Variants in USP53 observed in about 807,000 individuals in gnomAD.
USP53 encodes the protein ubiquitin carboxyl-terminal hydrolase 53.
USP53 carries 71 observed loss-of-function variants against 94.9 expected under a neutral mutation model. The observed-to-expected ratio is 0.75, with a 90% confidence interval of 0.62 to 0.91. The LOEUF is 0.91. Ranked by LOEUF, USP53 falls within the 40% of genes least tolerant of loss-of-function variation. The pLI, the probability that USP53 is intolerant of heterozygous loss-of-function variation, is 0.00. For missense variants in USP53, 1,173 were observed against 1,281.0 expected (o/e 0.92, Z 1.29); for synonymous variants, 375 against 422.7 (o/e 0.89, Z 1.39).
rs571318180 is a variant in USP53 at position 119,294,173 on chromosome 4, T to C, written c.*962T>C. On this transcript the variant is annotated 3_prime_UTR_variant, in exon 19 of 19. Transcript: ENST00000692078. ...GGAATTAATGTAGGGCACCCTCTTATTGGGAATGTCACTGTAATTGCCTAC... is the reference window on the plus strand; with the variant it reads ...GGAATTAATGTAGGGCACCCTCTTACTGGGAATGTCACTGTAATTGCCTAC... 42 of 152,234 alleles carry C rather than the reference T, an allele frequency of 2.8e-4. No individual in the cohort carries two copies. Among genetic ancestry groups the C allele is most frequent in the African/African-American group, 9.9e-4 (41 of 41,572 alleles). 9.4% of individuals were successfully genotyped at this position (152,234 alleles called of 1,614,324 possible).
At chr4:119,233,877 T>C (rs1746383322) in intron 3 of USP53, among the ~76,000 whole-genome samples, 1 of 152,182 alleles carries the variant, frequency 6.6e-6, no homozygotes, top group Non-Finnish European at 1.5e-5. Context: ...CTTTAACATG[T>C]GTCTTTGTGT....
intron 17 of USP53, among the ~76,000 whole-genome samples, chr4:119,285,568 A>G (rs1561348961): frequency 6.6e-6 from 1 of 151,852 alleles, no homozygotes; most frequent in Non-Finnish European, 1.5e-5. Context: ...TTCTTGTACA[A>G]ATAGTCTGTA....
Position 119,260,504 on chromosome 4 carries a change from TAG to T in USP53, c.676_677del. ...ATTTTAAAACTTTTATGTTTTTCTG[TAG>T]AGTAACTGTGGCCAAAAAATAAAAA... On this transcript the variant is annotated splice_acceptor_variant, in intron 10 of 18. Coordinates refer to ENST00000692078, the MANE Select transcript of USP53 (RefSeq NM_001371395.1). LOFTEE classifies it high-confidence loss of function. 1 of 1,613,020 alleles carries T rather than the reference TAG, an allele frequency of 6.2e-7. No individual in the cohort carries two copies. Among genetic ancestry groups the T allele is most frequent in the Non-Finnish European group, 8.5e-7 (1 of 1,179,364 alleles).
intron 17 of USP53, among the ~76,000 whole-genome samples, chr4:119,289,744 A>AG (rs1317415028): frequency 6.6e-6 from 1 of 152,212 alleles, no homozygotes; most frequent in Non-Finnish European, 1.5e-5. Flanking sequence ...GCCTTAGTAA[A>AG]GGAAAAAGCT....
intron 17 of USP53, among the ~76,000 whole-genome samples, chr4:119,279,772 C>T (rs1243635090): frequency 2.0e-5 from 3 of 152,228 alleles, no homozygotes; most frequent in African/African-American, 7.2e-5. Context: ...GCGTAGGACC[C>T]TCTGAGCCAG....
At chr4:119,249,716 G>T (rs1748712757) in intron 7 of USP53, among the ~76,000 whole-genome samples, 1 of 147,532 alleles carries the variant, frequency 6.8e-6, no homozygotes. Context: ...CCAGGCTGGG[G>T]TGCAGTGGTG....
intron 7 of USP53, among the ~76,000 whole-genome samples, chr4:119,254,981 C>T (rs1205229167): frequency 6.6e-6 from 1 of 152,224 alleles, no homozygotes; most frequent in Non-Finnish European, 1.5e-5. Flanking sequence ...AGACAGGCCC[C>T]TCAGCTGCAG....
chr4:119,214,522 TAA>T (rs991320107), intron 2 of USP53, among the ~76,000 whole-genome samples: 1 of 152,078 alleles, frequency 6.6e-6, no homozygotes, highest in African/African-American at 2.4e-5. Flanking sequence ...ATCAATTCGT[TAA>T]TATTTTCACT....
chr4:119,267,960 G>A (rs537050472), intron 13 of USP53, among the ~76,000 whole-genome samples: 2 of 152,180 alleles, frequency 1.3e-5, no homozygotes, highest in East Asian at 3.9e-4. Context: ...GAGGTCAGGA[G>A]ATCGAGACCA....
chr4:119,258,613 A>G (rs892365867), intron 9 of USP53, among the ~76,000 whole-genome samples: 3 of 152,238 alleles, frequency 2.0e-5, no homozygotes, highest in African/African-American at 7.2e-5. Flanking sequence ...AGTAGGCCTC[A>G]CAGTCATGGC....
intron 17 of USP53, among the ~76,000 whole-genome samples, chr4:119,279,522 C>T (rs372672838): frequency 1.1e-4 from 16 of 142,072 alleles, no homozygotes; most frequent in Middle Eastern, 7.0e-3. Flanking sequence ...GACAGGGACA[C>T]TTAAGTCTGC....
At chr4:119,234,122 A>G (rs1746421869) in intron 3 of USP53, among the ~76,000 whole-genome samples, 2 of 152,312 alleles carry the variant, frequency 1.3e-5, no homozygotes, top group South Asian at 2.1e-4. Context: ...CTTTCCTGAT[A>G]TAATAATCTC....
chr4:119,251,412 A>G (rs369921607), intron 7 of USP53, among the ~76,000 whole-genome samples: 1 of 152,178 alleles, frequency 6.6e-6, no homozygotes, highest in Non-Finnish European at 1.5e-5. Flanking sequence ...TCCTTTGGGT[A>G]TATACCCAGT....
intron 3 of USP53, among the ~76,000 whole-genome samples, chr4:119,233,860 G>GACT (rs1424656489): frequency 6.6e-6 from 1 of 152,190 alleles, no homozygotes; most frequent in Non-Finnish European, 1.5e-5. Flanking sequence ...CAGGGTGAAA[G>GACT]ACTAGGCTTT....
chr4:119,263,292 A>G (rs944834653), intron 12 of USP53, among the ~76,000 whole-genome samples: 3 of 152,208 alleles, frequency 2.0e-5, no homozygotes, highest in Admixed American at 6.5e-5. Flanking sequence ...GTTCAGCTCT[A>G]TAATTACCCC....
chr4:119,236,453 T>C (rs1399661851), intron 4 of USP53, among the ~76,000 whole-genome samples: 1 of 152,194 alleles, frequency 6.6e-6, no homozygotes, highest in Non-Finnish European at 1.5e-5. Flanking sequence ...CATTGACTCT[T>C]CCTTTCACCA....
chr4:119,234,523 A>T (rs190891298), intron 3 of USP53, among the ~76,000 whole-genome samples: 6 of 152,336 alleles, frequency 3.9e-5, no homozygotes, highest in African/African-American at 1.4e-4. Flanking sequence ...CATATACGCT[A>T]AAGTGTATAT....
chr4:119,237,837 C>T (rs1746993145), intron 4 of USP53, among the ~76,000 whole-genome samples: 1 of 152,210 alleles, frequency 6.6e-6, no homozygotes, highest in Admixed American at 6.5e-5. Flanking sequence ...TTTGCTGACT[C>T]ACCTTGTATT....
intron 5 of USP53, among the ~76,000 whole-genome samples, chr4:119,243,934 C>A (rs1271984988): frequency 1.3e-5 from 2 of 152,130 alleles, no homozygotes; most frequent in Non-Finnish European, 2.9e-5. Context: ...CTAATTTAAT[C>A]CTTACAACAG....
Sources: gnomAD v4.1 joint callset for allele counts (sites outside exome capture counted in the v4.1 genomes callset) on GRCh38, gnomAD v4.1.1 for gene constraint, MANE v1.5 for transcripts, NCBI Gene and HGNC (gene_info 2026-07-23, HGNC 2026-07-21) for gene names.